GRIN2A: variants seen among roughly 807,000 people sequenced by gnomAD.
GRIN2A encodes glutamate receptor ionotropic, NMDA 2A.
In GRIN2A, 22 loss-of-function variants were observed where a neutral mutation model predicts 113.4. The ratio of observed to expected loss-of-function variants is 0.19; its 90% CI spans 0.14 to 0.28. The LOEUF (loss-of-function observed/expected upper bound fraction) is 0.28, where lower values mean the gene tolerates loss of function less well. GRIN2A is among the 10% of genes least tolerant of loss of function. The pLI is 1.00. For synonymous variants in GRIN2A, 827 were observed against 738.4 expected (o/e 1.12, Z -1.94); for missense variants, 1,502 against 1,887.0 (o/e 0.80, Z 3.78).
At chr16:9,860,858 C>T (rs2043055313) in intron 4 of GRIN2A, among the ~76,000 whole-genome samples, 1 of 152,112 alleles carries the variant, frequency 6.6e-6, no homozygotes, top group Non-Finnish European at 1.5e-5. Context: ...ACCACGTGAT[C>T]CATGTTCGAT....
chr16:9,798,248 C>G (rs1397183188), intron 11 of GRIN2A, 29 bp downstream of exon 11: 17 of 1,600,660 alleles, frequency 1.1e-5, no homozygotes, highest in Non-Finnish European at 4.3e-6. Context: ...TCAAGTCCCC[C>G]TAAAGAAAGG....
chr16:9,872,951 G>A (rs899860790), intron 4 of GRIN2A, among the ~76,000 whole-genome samples: 5 of 152,114 alleles, frequency 3.3e-5, no homozygotes, highest in African/African-American at 1.2e-4. Flanking sequence ...GGGCTGAGGT[G>A]GGAAGATCAC....
chr16:9,797,144 G>C (rs573250991), intron 11 of GRIN2A, among the ~76,000 whole-genome samples: 3 of 152,334 alleles, frequency 2.0e-5, no homozygotes. Context: ...TTTCACTGTA[G>C]TGGTAACTAG....
At chr16:9,974,640 C>G (rs545931682) in intron 2 of GRIN2A, among the ~76,000 whole-genome samples, 1 of 152,090 alleles carries the variant, frequency 6.6e-6, no homozygotes, top group Non-Finnish European at 1.5e-5. Flanking sequence ...GTCTGCGGCT[C>G]GTCCTGCTAC....
rs77474290 is a variant in GRIN2A, at chr16:10,051,041, GC to G, written c.415-112491del. On this transcript the variant is annotated intron_variant, in intron 2 of 12. Transcript: ENST00000330684. Reference sequence around the variant, plus strand: ...GCTAAGACTCGAGAGCATGTCCCAGGCCCCCCATGTAGTTAGGTGGTAGGAT... The same window carrying G: ...GCTAAGACTCGAGAGCATGTCCCAGGCCCCCATGTAGTTAGGTGGTAGGAT... Among the ~76,000 whole-genome samples, 378 of 152,262 alleles carry G rather than the reference GC, an allele frequency of 2.5e-3. 11 individuals carry two copies. In the East Asian group the frequency reaches 0.067, roughly 27 times the overall value.
chr16:9,771,199 C>CTT lies in GRIN2A; in HGVS notation c.2357-2112_2357-2111dup, dbSNP rs60641368. 3.3e-3 allele frequency among the ~76,000 whole-genome samples: 452 copies of CTT among 137,902 alleles called. 3 individuals carry two copies. Among genetic ancestry groups the CTT allele is most frequent in the African/African-American group, 0.011 (420 of 37,948 alleles). The allele number at this position is 137,902 out of a possible 152,430, so 90.5% of individuals were successfully genotyped here. On this transcript the variant is annotated intron_variant, in intron 11 of 12. Coordinates refer to ENST00000330684, the MANE Select transcript of GRIN2A (RefSeq NM_001134407.3). ...CCCTAATGGTATATAATAGTCCCAT[C>CTT]TTTTTTTTTTTTTTTCCTGAAAACT... is the stretch of plus-strand genomic sequence containing the variant.
At chr16:9,958,690 G>A (rs1395578872) in intron 2 of GRIN2A, among the ~76,000 whole-genome samples, 1 of 152,078 alleles carries the variant, frequency 6.6e-6, no homozygotes, top group Non-Finnish European at 1.5e-5. Context: ...GGTTTCAGTT[G>A]CATATATTCG....
chr16:9,776,169 A>G (rs1490256112), intron 11 of GRIN2A, among the ~76,000 whole-genome samples: 10 of 152,282 alleles, frequency 6.6e-5, no homozygotes, highest in Admixed American at 6.5e-4. Context: ...AAACTTGGCA[A>G]TAGCTATCTT....
intron 2 of GRIN2A, among the ~76,000 whole-genome samples, chr16:10,136,831 C>A (rs150449400): frequency 6.6e-6 from 1 of 152,132 alleles, no homozygotes; most frequent in African/African-American, 2.4e-5. Flanking sequence ...GACCTGAGGC[C>A]CTGAAAAAGA....
At chr16:10,012,584 T>C (rs930187671) in intron 2 of GRIN2A, among the ~76,000 whole-genome samples, 1 of 152,212 alleles carries the variant, frequency 6.6e-6, no homozygotes, top group Non-Finnish European at 1.5e-5. Context: ...TCCTAATCCC[T>C]GGAACCTGTG....
chr16:10,158,585 G>A (rs183161), intron 2 of GRIN2A, among the ~76,000 whole-genome samples: 42,779 of 152,178 alleles, frequency 0.28, 6,502 homozygotes, highest in South Asian at 0.4. Flanking sequence ...ATATTATTCA[G>A]CCATGAAAAG....
Position 9,955,273 on chromosome 16 carries a change from T to C in GRIN2A, c.415-16722A>G, listed in dbSNP as rs181483027. Among the ~76,000 whole-genome samples, 528 of 152,318 alleles carry C rather than the reference T, an allele frequency of 3.5e-3. 3 individuals are homozygous for C. Among genetic ancestry groups the C allele is most frequent in the Non-Finnish European group, 4.0e-3 (271 of 68,026 alleles). ...CCCACCTTGCTTTCTCCTCTCTGGA[T>C]GCAATGACCTCTCGGCCACCTTGTG... On this transcript the variant is annotated intron_variant, in intron 2 of 12. Coordinates refer to ENST00000330684, the MANE Select transcript of GRIN2A (RefSeq NM_001134407.3).
chr16:9,953,971 TTTTAGAGGTATAGAGAA>T (rs1361956228), intron 2 of GRIN2A, among the ~76,000 whole-genome samples: 186 of 152,150 alleles, frequency 1.2e-3, no homozygotes, highest in African/African-American at 4.2e-3. Context: ...CACAACAGTA[TTTTAGAGGTATAGAGAA>T]GAATTTCTCT....
At chr16:9,911,440 C>G (rs1261366587) in intron 3 of GRIN2A, among the ~76,000 whole-genome samples, 1 of 152,168 alleles carries the variant, frequency 6.6e-6, no homozygotes, top group African/African-American at 2.4e-5. Flanking sequence ...CAGCTAGTTC[C>G]TAGTGTTAGC....
chr16:10,127,849 C>T (rs963715340), intron 2 of GRIN2A, among the ~76,000 whole-genome samples: 1 of 152,114 alleles, frequency 6.6e-6, no homozygotes, highest in African/African-American at 2.4e-5. Flanking sequence ...TGGTCTTTAC[C>T]CTTGGTGTCT....
chr16:9,916,219 T>C (rs569806586), intron 3 of GRIN2A, among the ~76,000 whole-genome samples: 2 of 152,290 alleles, frequency 1.3e-5, no homozygotes, highest in East Asian at 3.9e-4. Flanking sequence ...TATAACATTA[T>C]TGTAATAATT....
At chr16:9,861,364 C>T (rs577502733) in intron 4 of GRIN2A, among the ~76,000 whole-genome samples, 4 of 152,118 alleles carry the variant, frequency 2.6e-5, no homozygotes, top group East Asian at 1.9e-4. Flanking sequence ...GATAAATGGC[C>T]GTGAAGGAAA....
At chr16:10,032,054 C>T (rs1170506029) in intron 2 of GRIN2A, among the ~76,000 whole-genome samples, 5 of 152,226 alleles carry the variant, frequency 3.3e-5, no homozygotes, top group African/African-American at 1.2e-4. Context: ...TACAGCGCAT[C>T]GTATTTACTT....
rs776378111 is a variant in GRIN2A, at chr16:9,938,459, G to C, written c.507C>G (p.Val169=). The C allele has an allele frequency of 3.1e-6, 5 of 1,613,810 alleles. No homozygotes were observed. The East Asian group carries it at 8.9e-5, about 29-fold the overall frequency. The change falls in exon 3 of 13, where the codon GTC becomes GTG. Residue 169 remains valine, a synonymous_variant. Coordinates refer to ENST00000330684, the MANE Select transcript of GRIN2A (RefSeq NM_001134407.3). ...GGAAGATAGTGGTCACCAGGGAGAA[G>C]ACATGCCAGTCATAATCCTGCATGA... The part of the protein sequence containing the change: ...LKIMQDYDWH[V]FSLVTTIFPG...
Sources: gnomAD v4.1 joint callset for allele counts (sites outside exome capture counted in the v4.1 genomes callset) on GRCh38, gnomAD v4.1.1 for gene constraint, MANE v1.5 for transcripts, NCBI Gene and HGNC (gene_info 2026-07-23, HGNC 2026-07-21) for gene names.